Variants in MUS81 observed in about 807,000 individuals in gnomAD.
The protein encoded by MUS81 is structure-specific endonuclease subunit MUS81.
In MUS81, 69 loss-of-function variants were observed where a neutral mutation model predicts 74.2. The ratio of observed to expected loss-of-function variants is 0.93; its 90% CI spans 0.77 to 1.14. The LOEUF is 1.14. MUS81 is among the 50% of genes most tolerant of loss of function. MUS81 has a pLI of 0.00. For synonymous variants in MUS81, 303 were observed against 300.6 expected, an observed-to-expected ratio of 1.01 and a Z score of -0.08; for missense variants, 711 against 726.5, an observed-to-expected ratio of 0.98 and a Z score of 0.25.
Position 65,864,528 on chromosome 11 carries a change from G to A in MUS81, c.1091G>A (p.Arg364Gln), listed in dbSNP as rs148466876. Residue 364 changes from arginine (R) to glutamine (Q), a missense_variant, in exon 11 of 16, where the codon CGG (arginine) becomes CAG (glutamine). By Grantham distance (43) the Arg-to-Gln change is conservative (BLOSUM62 1). Transcript: ENST00000308110. Reference sequence around the variant, plus strand: ...CTGAAGCGCTGTGGTCTGGAGCGCCGGGTATACCTGGTGGAAGAGCATGGT... The same window carrying A: ...CTGAAGCGCTGTGGTCTGGAGCGCCAGGTATACCTGGTGGAAGAGCATGGT... The part of the protein sequence containing the change: ...FRLKRCGLER[R>Q]VYLVEEHGSV... 1.1e-5 allele frequency: 18 copies of A among 1,614,156 alleles called. No homozygotes were observed. The highest frequency in any genetic ancestry group is 5.3e-5 in the African/African-American group (4 of 75,034).
At chr11:65,861,220 T>C in intron 2 of MUS81, 118 bp downstream of exon 2, 1 of 1,561,900 alleles carries the variant, frequency 6.4e-7, no homozygotes, top group Non-Finnish European at 8.7e-7. Flanking sequence ...CCGTTCGGCC[T>C]AGGGCTAGTG....
At chr11:65,862,162 G>A in intron 4 of MUS81, 49 bp from the exon 5 acceptor site, 3 of 1,600,886 alleles carry the variant, frequency 1.9e-6, no homozygotes, top group Non-Finnish European at 2.6e-6. Context: ...GCGGGATGAG[G>A]AGGGGCCCTG....
downstream of MUS81, chr11:65,867,095 TG>T (rs1213302438): frequency 1.9e-6 from 3 of 1,613,478 alleles, no homozygotes; most frequent in Non-Finnish European, 2.5e-6. Context: ...GGGCAGTGGG[TG>T]GGGGGACATA....
chr11:65,860,901 G>A lies in MUS81; in HGVS notation c.135+13G>A. The A allele has an allele frequency of 3.7e-6, 6 of 1,601,060 alleles. No homozygotes were observed. Among genetic ancestry groups the A allele is most frequent in the Non-Finnish European group, 5.1e-6 (6 of 1,175,198 alleles). On this transcript the variant is annotated intron_variant, in intron 1 of 15. Transcript: ENST00000308110. ...CGTATTTCAGAAGGTGGGTCCTGGC[G>A]TGGCCCGATGGGAAAAGCTGCTGGC...
At chr11:65,864,440 C>A in intron 10 of MUS81, 57 bp from the exon 11 acceptor site, 1 of 1,447,714 alleles carries the variant, frequency 6.9e-7, no homozygotes, top group Non-Finnish European at 9.7e-7. Flanking sequence ...ATCATGGATG[C>A]CCAGGCATGT....
At chr11:65,861,776 C>G in intron 3 of MUS81, 171 bp from the exon 4 acceptor site, 1 of 646,150 alleles carries the variant, frequency 1.5e-6, no homozygotes, top group South Asian at 2.0e-5. Context: ...CCGAAACTGC[C>G]TGCTGTTTTA....
chr11:65,861,425 C>G lies in MUS81; in HGVS notation c.341C>G (p.Ser114Cys), dbSNP rs149431486. 8.6e-5 allele frequency: 138 copies of G among 1,601,352 alleles called. No homozygotes were observed. In the African/African-American group the frequency reaches 1.6e-3, roughly 19 times the overall value. The change falls in exon 3 of 16, where the codon TCT (serine) becomes TGT (cysteine). Residue 114 changes from serine (S) to cysteine (C), a missense_variant. Coordinates refer to ENST00000308110, the MANE Select transcript of MUS81 (RefSeq NM_025128.5). ...GGGCGACTTGCGGAAGTCCAGGACT[C>G]TTCCATGCCAGTGAGGAAGGGGCAA... ...PQGRLAEVQD[S>C]SMPVPAQPKA...
chr11:65,866,412 A>G lies in MUS81; in HGVS notation c.*360A>G, dbSNP rs960943042. The G allele has an allele frequency of 1.6e-6, 1 of 644,868 alleles. No homozygotes were observed. Among genetic ancestry groups the G allele is most frequent in the Non-Finnish European group, 2.7e-6 (1 of 363,840 alleles). The allele number at this position is 644,868 out of a possible 1,614,324, so 39.9% of individuals were successfully genotyped here. On this transcript the variant is annotated 3_prime_UTR_variant, in exon 16 of 16. Coordinates refer to ENST00000308110, the MANE Select transcript of MUS81 (RefSeq NM_025128.5). ...AATAAAAATAATAAAAATAAATAAA[A>G]CTTCCTAAAAGAAAAGATTGAAAAC...
In MUS81 at chr11:65,865,123, A is replaced by T. The variant is rs781322332; in HGVS notation, c.1379A>T (p.Asn460Ile). The change falls in exon 13 of 16, where the codon AAC becomes ATC. Residue 460 changes from asparagine to isoleucine, a missense_variant. Transcript: ENST00000308110. ...TCACTCCTCACCTTCAGTGACTTCAACGCAGGAGCCATCAAGAATAAGGTA... is the reference window on the plus strand; with the variant it reads ...TCACTCCTCACCTTCAGTGACTTCATCGCAGGAGCCATCAAGAATAAGGTA... ...LCSLLTFSDFNAGAIKNKAQS... is the reference protein window; with the variant it reads ...LCSLLTFSDFIAGAIKNKAQS... 2 of 1,614,108 alleles carry T rather than the reference A, an allele frequency of 1.2e-6. No homozygotes were observed. The highest frequency in any genetic ancestry group is 1.7e-6 in the Non-Finnish European group (2 of 1,180,004).
At position 65,861,061 on chromosome 11, in the gene MUS81, G is replaced by T. The variant is rs772028651; in HGVS notation, c.224G>T (p.Arg75Leu). The T allele has an allele frequency of 1.2e-6, 2 of 1,612,618 alleles. No individual in the cohort carries two copies. The highest frequency in any genetic ancestry group is 2.2e-5 in the East Asian group (1 of 44,890). Residue 75 changes from arginine to leucine, a missense_variant, in exon 2 of 16, where the codon CGG becomes CTG. By Grantham distance (102) the Arg-to-Leu change is moderately radical (BLOSUM62 -2). Coordinates refer to ENST00000308110, the MANE Select transcript of MUS81 (RefSeq NM_025128.5). ...CAGCACTTCGGAGACGGGCTCTGCC[G>T]GATGCTGGACGAGCGGCTGCAGCGG... The part of the protein sequence containing the change: ...ILQHFGDGLC[R>L]MLDERLQRHR...
chr11:65,864,297 A>T, intron 10 of MUS81, 200 bp from the exon 11 acceptor site: 1 of 615,014 alleles, frequency 1.6e-6, no homozygotes, highest in South Asian at 1.9e-5. Context: ...TGAGAGATGG[A>T]GAAAAGGCTT....
intron 9 of MUS81, 33 bp from the exon 10 acceptor site, chr11:65,863,771 G>A: frequency 6.2e-7 from 1 of 1,614,180 alleles, no homozygotes; most frequent in Admixed American, 1.7e-5. Flanking sequence ...TGGTGGGTAG[G>A]GGATCGCAAG....
Position 65,865,891 on chromosome 11 carries a change from A to C in MUS81, c.1586A>C (p.Gln529Pro). The C allele has an allele frequency of 6.2e-7, 1 of 1,614,142 alleles. No homozygotes were observed. The highest frequency in any genetic ancestry group is 8.5e-7 in the Non-Finnish European group (1 of 1,180,016). ...LLSTIKCGRL[Q>P]RNLGPALSRT... ...AGCACCATTAAGTGTGGGCGTCTAC[A>C]GAGGTGAGGGCAAGAGACGGAACCT... The change falls in exon 15 of 16, where the codon CAG (glutamine) becomes CCG (proline). Residue 529 changes from glutamine (Q) to proline (P), a missense_variant. Physicochemically the swap from Gln to Pro is moderately conservative, Grantham distance 76. Transcript: ENST00000308110.
chr11:65,863,687 G>A lies in MUS81; in HGVS notation c.927G>A (p.Val309=). The A allele has an allele frequency of 6.2e-7, 1 of 1,614,078 alleles. No homozygotes were observed. Among genetic ancestry groups the A allele is most frequent in the Non-Finnish European group, 8.5e-7 (1 of 1,179,980 alleles). ...GCAAGCTGCACGTTGGAGATTTTGTGTGGGTGGCCCAGGAGACCAATCCTA... is the reference window on the plus strand; with the variant it reads ...GCAAGCTGCACGTTGGAGATTTTGTATGGGTGGCCCAGGAGACCAATCCTA... ...TVRKLHVGDF[V]WVAQETNPRD... The change falls in exon 9 of 16, where the codon GTG becomes GTA. Residue 309 remains valine, a synonymous_variant. Transcript: ENST00000308110.
chr11:65,860,554 G>A lies in MUS81; in HGVS notation c.-200G>A. ...CGCCCCTGACCAACCACTTAGAGCA[G>A]CGCAGGGGTGGGAGGGCGGCCGCAG... On this transcript the variant is annotated 5_prime_UTR_variant, in exon 1 of 16. Transcript: ENST00000308110. The A allele has an allele frequency of 1.5e-6, 1 of 667,598 alleles. No homozygotes were observed. Among genetic ancestry groups the A allele is most frequent in the Non-Finnish European group, 2.6e-6 (1 of 388,426 alleles). The allele number at this position is 667,598 out of a possible 1,614,324, so 41.4% of individuals were successfully genotyped here.
intron 6 of MUS81, 32 bp from the exon 7 acceptor site, chr11:65,863,033 G>A: frequency 6.2e-7 from 1 of 1,613,482 alleles, no homozygotes. Context: ...GAGTGAAGAA[G>A]GTAGAGCTGT....
At chr11:65,862,614 A>C (rs1412332556) in intron 6 of MUS81, 85 bp downstream of exon 6, 2 of 1,268,034 alleles carry the variant, frequency 1.6e-6, no homozygotes, top group Non-Finnish European at 1.1e-6. Context: ...CCCAGAGCTG[A>C]TGCTGTTGAG....
chr11:65,860,939 G>A, intron 1 of MUS81, 34 bp from the exon 2 acceptor site: 1 of 1,609,806 alleles, frequency 6.2e-7, no homozygotes, highest in South Asian at 1.1e-5. Context: ...GGTCAGGCCT[G>A]CCCTGACCAG....
Position 65,863,503 on chromosome 11 carries a change from G to T in MUS81, c.839+1G>T, listed in dbSNP as rs750453697. On this transcript the variant is annotated splice_donor_variant, in intron 8 of 15. Transcript: ENST00000308110. LOFTEE classifies it high-confidence loss of function. The stretch of plus-strand genomic sequence containing the variant: ...GTGTGGACATTGGCGAGACCCGGGG[G>T]TGAGTGAGGTGGGGAGAAACGAGGG... The T allele has an allele frequency of 6.8e-6, 11 of 1,614,184 alleles. No individual in the cohort carries two copies. The highest frequency in any genetic ancestry group is 9.3e-6 in the Non-Finnish European group (11 of 1,180,022).
Sources: gnomAD v4.1 joint callset for allele counts on GRCh38, gnomAD v4.1.1 for gene constraint, MANE v1.5 for transcripts, NCBI Gene and HGNC (gene_info 2026-07-23, HGNC 2026-07-21) for gene names.